Variants in SIPA1L3 observed in about 807,000 individuals in gnomAD.
SIPA1L3 encodes signal-induced proliferation-associated 1-like protein 3.
SIPA1L3 carries 59 observed loss-of-function variants against 150.1 expected under a neutral mutation model. The ratio of observed to expected loss-of-function variants is 0.39; its 90% CI spans 0.32 to 0.49. The LOEUF (loss-of-function observed/expected upper bound fraction) is 0.49. SIPA1L3 is among the 20% of genes least tolerant of loss of function. SIPA1L3 has a pLI of 0.86. For synonymous variants in SIPA1L3, 1,070 were observed against 1,077.6 expected, an observed-to-expected ratio of 0.99 and a Z score of 0.14; for missense variants, 2,211 against 2,489.5, an observed-to-expected ratio of 0.89 and a Z score of 2.38.
intron 2 of SIPA1L3, among the ~76,000 whole-genome samples, chr19:38,070,733 G>T (rs143292873): frequency 6.6e-6 from 1 of 152,320 alleles, no homozygotes; most frequent in African/African-American, 2.4e-5. Flanking sequence ...GGACTAACTA[G>T]TTCTTCCTGG....
At chr19:37,923,061 C>T (rs1325847583) in intron 1 of SIPA1L3, among the ~76,000 whole-genome samples, 1 of 151,122 alleles carries the variant, frequency 6.6e-6, no homozygotes, top group South Asian at 2.1e-4. Flanking sequence ...GGCGTGAACC[C>T]GGGAGGTGGA....
intron 4 of SIPA1L3, among the ~76,000 whole-genome samples, chr19:38,090,400 G>GC (rs1213812745): frequency 1.3e-5 from 2 of 151,122 alleles, no homozygotes; most frequent in African/African-American, 4.9e-5. Context: ...TAGATCACAA[G>GC]CCCAAGTCCT....
intron 1 of SIPA1L3, among the ~76,000 whole-genome samples, chr19:38,013,505 C>T (rs944293503): frequency 3.3e-5 from 5 of 152,168 alleles, no homozygotes; most frequent in Admixed American, 2.6e-4. Context: ...TACGATCTCC[C>T]AGTCCCCTCC....
chr19:38,025,148 C>T (rs180917438), intron 1 of SIPA1L3, among the ~76,000 whole-genome samples: 108 of 152,294 alleles, frequency 7.1e-4, no homozygotes, highest in African/African-American at 2.3e-3. Context: ...TCTGATTGGC[C>T]GTGCTTGGCT....
At chr19:37,977,297 T>TG (rs34326460) in intron 1 of SIPA1L3, among the ~76,000 whole-genome samples, 3 of 152,026 alleles carry the variant, frequency 2.0e-5, no homozygotes, top group African/African-American at 7.2e-5. Context: ...CCCAAGTAGC[T>TG]GGGACTACAG....
chr19:38,081,638 G>A lies in SIPA1L3; in HGVS notation c.73G>A (p.Val25Ile), dbSNP rs969693762. The A allele has an allele frequency of 6.2e-7, 1 of 1,607,286 alleles. No individual in the cohort carries two copies. Residue 25 changes from valine (V) to isoleucine (I), a missense_variant, in exon 3 of 22, where the codon GTC becomes ATC. Physicochemically the swap from Val to Ile is conservative, Grantham distance 29. This residue lies in a region of SIPA1L3 where 130 missense variants were observed against 174.5 expected (regional missense o/e 0.74). Coordinates refer to ENST00000222345, the MANE Select transcript of SIPA1L3 (RefSeq NM_015073.3). ...CAGCTGTGGCGCCAGGGTGGGCGAT[G>A]TCCTCCCTGGGCCACACACAGGGGA... Reference protein sequence around the residue: ...AASCGARVGDVLPGPHTGDYA... With the variant: ...AASCGARVGDILPGPHTGDYA...
chr19:38,170,944 G>C (rs1443942313), intron 15 of SIPA1L3, among the ~76,000 whole-genome samples: 1 of 145,422 alleles, frequency 6.9e-6, no homozygotes, highest in Non-Finnish European at 1.5e-5. Flanking sequence ...TTTTGAAATT[G>C]TGTGTATATA....
intron 10 of SIPA1L3, among the ~76,000 whole-genome samples, chr19:38,134,701 T>C (rs8106266): frequency 0.28 from 35,440 of 127,646 alleles, 6,559 homozygotes; most frequent in African/African-American, 0.56. Context: ...CGAGACTCTG[T>C]TTCAGGAAAA....
chr19:38,073,097 A>C (rs530642309), intron 2 of SIPA1L3, among the ~76,000 whole-genome samples: 1 of 152,242 alleles, frequency 6.6e-6, no homozygotes, highest in South Asian at 2.1e-4. Flanking sequence ...CCAGTGGGAC[A>C]TAAAAGAAAG....
At chr19:37,913,718 T>A (rs1216462561) in intron 1 of SIPA1L3, among the ~76,000 whole-genome samples, 4 of 149,520 alleles carry the variant, frequency 2.7e-5, no homozygotes, top group Non-Finnish European at 3.0e-5. Context: ...TTTTTTTTTT[T>A]AATTAAAAAA....
intron 9 of SIPA1L3, among the ~76,000 whole-genome samples, chr19:38,128,488 G>T (rs1971228710): frequency 6.6e-6 from 1 of 152,216 alleles, no homozygotes; most frequent in Admixed American, 6.5e-5. Context: ...GATTTGAATT[G>T]CAAGGAATAT....
intron 1 of SIPA1L3, among the ~76,000 whole-genome samples, chr19:37,921,047 C>A (rs149737802): frequency 1.4e-4 from 22 of 152,300 alleles, no homozygotes; most frequent in African/African-American, 5.3e-4. Context: ...TTGTTGAGGC[C>A]CCACACGAAC....
chr19:38,193,539 G>C lies in SIPA1L3; in HGVS notation c.4599G>C (p.Gln1533His). 6.8e-7 allele frequency: 1 copy of C among 1,477,878 alleles called. No individual in the cohort carries two copies. Among genetic ancestry groups the C allele is most frequent in the Admixed American group, 2.4e-5 (1 of 41,722 alleles). 91.5% of individuals were successfully genotyped at this position (1,477,878 alleles called of 1,614,324 possible). The change falls in exon 18 of 22, where the codon CAG becomes CAC. Residue 1533 changes from glutamine to histidine, a missense_variant and splice_region_variant. This residue lies in a region of SIPA1L3 where 806 missense variants were observed against 870.1 expected (regional missense o/e 0.93). Transcript: ENST00000222345. ...LGPEQERDTG[Q>H]SPQKGLQRTL... The stretch of plus-strand genomic sequence containing the variant: ...AACATCCCACCCACGCCCCACAGCA[G>C]TCACCGCAGAAGGGCCTGCAGCGGA...
In SIPA1L3 at chr19:38,069,831, AT is replaced by A. The variant is rs143984654; in HGVS notation, c.-310-11409del. 5.3e-3 allele frequency among the ~76,000 whole-genome samples: 721 copies of A among 136,228 alleles called. 1 individual carries two copies. The highest frequency in any genetic ancestry group is 9.0e-3 in the African/African-American group (329 of 36,712). The allele number at this position is 136,228 out of a possible 152,430, so 89.4% of individuals were successfully genotyped here. A position where few individuals can be genotyped will look rare whatever the true frequency, so the allele number is the denominator to read the frequency against. Reference sequence around the variant, plus strand: ...AGGCACGCGCCACTATACCTGGTTAATTTTTTTTTTTTTTTTGTATTTTTAG... The same window carrying A: ...AGGCACGCGCCACTATACCTGGTTAATTTTTTTTTTTTTTTGTATTTTTAG... On this transcript the variant is annotated intron_variant, in intron 2 of 21. Coordinates refer to ENST00000222345, the MANE Select transcript of SIPA1L3 (RefSeq NM_015073.3).
intron 9 of SIPA1L3, 105 bp from the exon 10 acceptor site, chr19:38,130,393 G>A: frequency 8.4e-7 from 1 of 1,187,136 alleles, no homozygotes; most frequent in African/African-American, 1.5e-5. Context: ...TTAATAGATG[G>A]GAGTTGGCAG....
At chr19:38,138,889 C>A (rs1162536556) in intron 10 of SIPA1L3, among the ~76,000 whole-genome samples, 3 of 23,964 alleles carry the variant, frequency 1.3e-4, no homozygotes, top group African/African-American at 9.4e-4. Flanking sequence ...CAGAACGAGA[C>A]TCTATCTCAA....
At chr19:38,126,437 A>G (rs1199142600) in intron 9 of SIPA1L3, among the ~76,000 whole-genome samples, 1 of 152,200 alleles carries the variant, frequency 6.6e-6, no homozygotes, top group African/African-American at 2.4e-5. Flanking sequence ...ACAGATTCAT[A>G]AAGTTTCTTA....
chr19:38,066,038 A>C (rs1434631462), intron 2 of SIPA1L3, among the ~76,000 whole-genome samples: 1 of 141,126 alleles, frequency 7.1e-6, no homozygotes, highest in Admixed American at 7.4e-5. Flanking sequence ...TTTTGAGGCA[A>C]CGTCTTGCTC....
In SIPA1L3 at chr19:38,047,208, G is replaced by A. The variant is rs1196146228; in HGVS notation, c.-311+18052G>A. Among the ~76,000 whole-genome samples, 1 of 152,092 alleles carries A rather than the reference G, an allele frequency of 6.6e-6. No individual in the cohort carries two copies. Among genetic ancestry groups the A allele is most frequent in the African/African-American group, 2.4e-5 (1 of 41,408 alleles). ...AATCACTCTGCTATACTTCCTGCCAGCCTGTTCTCCCCCGCCGACACACAC... is the reference window on the plus strand; with the variant it reads ...AATCACTCTGCTATACTTCCTGCCAACCTGTTCTCCCCCGCCGACACACAC... On this transcript the variant is annotated intron_variant, in intron 2 of 21. Coordinates refer to ENST00000222345, the MANE Select transcript of SIPA1L3 (RefSeq NM_015073.3). This position sits in a 1 kb window ranked among gnomAD's most constrained non-coding sequence, Gnocchi z 4.7.
Sources: gnomAD v4.1 joint callset for allele counts (sites outside exome capture counted in the v4.1 genomes callset) on GRCh38, gnomAD v4.1.1 for gene constraint, gnomAD v4.1.1 regional missense constraint, Gnocchi (gnomAD v3.1) non-coding constraint, MANE v1.5 for transcripts, NCBI Gene and HGNC (gene_info 2026-07-23, HGNC 2026-07-21) for gene names.